NHS: variants seen among roughly 807,000 people sequenced by gnomAD.
The protein encoded by NHS is NHS actin remodeling regulator.
A neutral mutation model predicts 72.5 loss-of-function variants in NHS; 5 were observed. The ratio of observed to expected loss-of-function variants is 0.07; its 90% CI spans 0.04 to 0.14. NHS has a LOEUF of 0.14. Ranked by LOEUF, NHS falls within the 10% of genes least tolerant of loss-of-function variation. The pLI, the probability that NHS is intolerant of heterozygous loss-of-function variation, is 1.00. For synonymous variants in NHS, 464 were observed against 547.7 expected, an observed-to-expected ratio of 0.85 and a Z score of 2.13; for missense variants, 1,072 against 1,355.7, an observed-to-expected ratio of 0.79 and a Z score of 3.29.
chrX:17,390,573 G>A (rs2064439670), intron 1 of NHS, among the ~76,000 whole-genome samples: 1 of 111,618 alleles, frequency 9.0e-6, no homozygotes, highest in Non-Finnish European at 1.9e-5. Context: ...CAAAGTTTGC[G>A]GCAATGTGGG....
chrX:17,716,893 T>A (rs1268780984), intron 3 of NHS, among the ~76,000 whole-genome samples: 2 of 109,866 alleles, frequency 1.8e-5, no homozygotes, highest in South Asian at 4.0e-4. Flanking sequence ...CCTGTTTGCA[T>A]GAAGATGGTA....
At chrX:17,425,492 T>TGCTG (rs61532417) in intron 1 of NHS, among the ~76,000 whole-genome samples, 21,377 of 82,397 alleles carry the variant, frequency 0.26, 2,487 homozygotes, top group South Asian at 0.56. Context: ...CCTGATGAGT[T>TGCTG]GCTGCCCCAG....
rs1468103393 is a variant in NHS, at chrX:17,732,289, C to T, written c.4781C>T (p.Ala1594Val). Residue 1594 changes from alanine to valine, a missense_variant, in exon 9 of 9, where the codon GCC (alanine) becomes GTC (valine). By Grantham distance (64) the Ala-to-Val change is moderately conservative. Coordinates refer to ENST00000676302, the MANE Select transcript of NHS (RefSeq NM_001291867.2). ...GAAGGCTTTTCCTCGAAGAGCTTTG[C>T]CACCTCAGCATCAGCAAGGGTTGGA... ...NAEGFSSKSF[A>V]TSASARVGRS... The T allele has an allele frequency of 8.3e-7, 1 of 1,211,000 alleles. No individual in the cohort carries two copies. Among genetic ancestry groups the T allele is most frequent in the Non-Finnish European group, 1.1e-6 (1 of 895,421 alleles).
chrX:17,697,990 G>A (rs763552097), intron 3 of NHS, among the ~76,000 whole-genome samples: 39 of 106,774 alleles, frequency 3.7e-4, no homozygotes, highest in African/African-American at 1.3e-3. Context: ...AAACAGAGAA[G>A]ACAACACATC....
intron 3 of NHS, among the ~76,000 whole-genome samples, chrX:17,718,806 G>A (rs1485601000): frequency 5.7e-5 from 5 of 87,368 alleles, no homozygotes; most frequent in Non-Finnish European, 1.1e-4. Flanking sequence ...GAAGGAAGGG[G>A]GAAGGAGGGA....
chrX:17,684,334 A>C (rs2066147871), intron 1 of NHS, among the ~76,000 whole-genome samples: 1 of 111,819 alleles, frequency 8.9e-6, no homozygotes, highest in Non-Finnish European at 1.9e-5. Context: ...AACAACACCT[A>C]TTTATTATCT....
chrX:17,576,178 C>T (rs778637488), intron 1 of NHS, among the ~76,000 whole-genome samples: 1 of 111,198 alleles, frequency 9.0e-6, no homozygotes, highest in East Asian at 2.8e-4. Context: ...CCTCAGCCAC[C>T]CAAAATAGTT....
intron 1 of NHS, among the ~76,000 whole-genome samples, chrX:17,524,231 C>T (rs984671370): frequency 8.9e-6 from 1 of 112,177 alleles, no homozygotes; most frequent in Non-Finnish European, 1.9e-5. Flanking sequence ...CTCCCCCACA[C>T]TAATTCATGT....
At chrX:17,690,993 G>A (rs2066192114) in intron 2 of NHS, among the ~76,000 whole-genome samples, 1 of 111,708 alleles carries the variant, frequency 9.0e-6, no homozygotes, top group South Asian at 3.8e-4. Context: ...AAGGGAATAA[G>A]GAGCAAGATT....
intron 1 of NHS, among the ~76,000 whole-genome samples, chrX:17,382,243 G>A (rs2064381977): frequency 9.0e-6 from 1 of 111,363 alleles, no homozygotes; most frequent in South Asian, 3.8e-4. Flanking sequence ...TTTCAGTAAG[G>A]TTCTTTGCAC....
At chrX:17,673,159 T>C (rs1433721905) in intron 1 of NHS, among the ~76,000 whole-genome samples, 1 of 102,345 alleles carries the variant, frequency 9.8e-6, no homozygotes, top group Non-Finnish European at 2.0e-5. Flanking sequence ...TCTAGACCAT[T>C]GCTTAGCTGG....
intron 1 of NHS, among the ~76,000 whole-genome samples, chrX:17,543,300 C>T (rs1322320742): frequency 1.8e-5 from 2 of 112,212 alleles, no homozygotes; most frequent in African/African-American, 6.5e-5. Flanking sequence ...CGCCTTAGTT[C>T]TTGCTTTACC....
chrX:17,475,649 A>G (rs113672971), intron 1 of NHS, among the ~76,000 whole-genome samples: 6,477 of 111,492 alleles, frequency 0.058, 487 homozygotes, highest in African/African-American at 0.2. Context: ...GGGCAGGGAC[A>G]TTTTCCCATA....
At position 17,635,638 on chromosome X, in the gene NHS, G is replaced by A. The variant is rs759352106; in HGVS notation, c.566-52104G>A. On this transcript the variant is annotated intron_variant, in intron 1 of 8. Coordinates refer to ENST00000676302, the MANE Select transcript of NHS (RefSeq NM_001291867.2). ...TGCAGCATTTCTTGGCAAGACAAAGGGGAGGGGGAGGCTGGGTCTAACGAA... is the reference window on the plus strand; with the variant it reads ...TGCAGCATTTCTTGGCAAGACAAAGAGGAGGGGGAGGCTGGGTCTAACGAA... The A allele has an allele frequency of 3.5e-6, 4 of 1,139,533 alleles. No individual in the cohort carries two copies. In the East Asian group the frequency reaches 1.3e-4, roughly 37 times the overall value. The allele number at this position is 1,139,533 out of a possible 1,213,427, so 93.9% of individuals were successfully genotyped here.
At chrX:17,580,039 C>G (rs1443863399) in intron 1 of NHS, among the ~76,000 whole-genome samples, 4 of 110,902 alleles carry the variant, frequency 3.6e-5, no homozygotes, top group Non-Finnish European at 5.7e-5. Flanking sequence ...TTCTGGCCTT[C>G]CTAGAATTAC....
intron 1 of NHS, among the ~76,000 whole-genome samples, chrX:17,567,351 A>C (rs1361460616): frequency 8.9e-6 from 1 of 111,761 alleles, no homozygotes; most frequent in East Asian, 2.8e-4. Flanking sequence ...GCCTCCTGGC[A>C]CCCACTCACA....
chrX:17,459,679 A>G (rs963076199), intron 1 of NHS, among the ~76,000 whole-genome samples: 1 of 111,169 alleles, frequency 9.0e-6, no homozygotes, highest in Non-Finnish European at 1.9e-5. Flanking sequence ...CCAAGAGGCT[A>G]TTGTTGTCCG....
chrX:17,530,948 C>T (rs749572504), intron 1 of NHS, among the ~76,000 whole-genome samples: 1 of 111,555 alleles, frequency 9.0e-6, no homozygotes, highest in South Asian at 3.8e-4. Context: ...CAGGCGGGAG[C>T]CACCCTGCCA....
At chrX:17,488,527 C>T (rs2064976338) in intron 1 of NHS, among the ~76,000 whole-genome samples, 1 of 111,851 alleles carries the variant, frequency 8.9e-6, no homozygotes, top group African/African-American at 3.3e-5. Context: ...CTAACTTTTT[C>T]TATGCCATGG....
Sources: gnomAD v4.1 joint callset for allele counts (sites outside exome capture counted in the v4.1 genomes callset) on GRCh38, gnomAD v4.1.1 for gene constraint, MANE v1.5 for transcripts, NCBI Gene and HGNC (gene_info 2026-07-23, HGNC 2026-07-21) for gene names.